The following ARID1B variants were observed in gnomAD, a reference collection of about 807,000 sequenced individuals.
ARID1B encodes AT-rich interactive domain-containing protein 1B.
ARID1B carries 30 observed loss-of-function variants against 212.3 expected under a neutral mutation model. That is an observed-to-expected ratio of 0.14 (90% confidence interval 0.11 to 0.19). ARID1B has a LOEUF of 0.19. Ranked by LOEUF, ARID1B falls within the 10% of genes least tolerant of loss-of-function variation. The pLI, the probability that ARID1B is intolerant of heterozygous loss-of-function variation, is 1.00. For synonymous variants in ARID1B, 1,402 were observed against 1,301.7 expected (o/e 1.08, Z -1.66); for missense variants, 2,891 against 3,204.0 (o/e 0.90, Z 2.36).
At chr6:157,013,621 T>A (rs1057225289) in intron 4 of ARID1B, among the ~76,000 whole-genome samples, 1 of 152,216 alleles carries the variant, frequency 6.6e-6, no homozygotes, top group Admixed American at 6.5e-5. Context: ...AAAATAACCC[T>A]GGTATCCAAC....
At chr6:156,785,893 G>T (rs1228747904) in intron 1 of ARID1B, among the ~76,000 whole-genome samples, 1 of 151,898 alleles carries the variant, frequency 6.6e-6, no homozygotes, top group East Asian at 1.9e-4. Flanking sequence ...TCTAACTTTG[G>T]GGTAATCCTC....
At position 156,778,869 on chromosome 6, in the gene ARID1B, G is replaced by GGCGGAGGAGGAGGAGGCA. The variant is rs755976776; in HGVS notation, c.1206_1223dup (p.Ser403_Gly408dup). 27 of 1,392,650 alleles carry GGCGGAGGAGGAGGAGGCA rather than the reference G, an allele frequency of 1.9e-5. No individual in the cohort carries two copies. Among genetic ancestry groups the GGCGGAGGAGGAGGAGGCA allele is most frequent in the South Asian group, 1.6e-4 (10 of 63,092 alleles). The allele number at this position is 1,392,650 out of a possible 1,614,324, so 86.3% of individuals were successfully genotyped here. A position where few individuals can be genotyped will look rare whatever the true frequency, so the allele number is the denominator to read the frequency against. ...CGCGGGCGGCGGCGGCGGCGGCGGC[G>GGCGGAGGAGGAGGAGGCA]GCGGAGGAGGAGGAGGCAGCGGAGG... On this transcript the variant is annotated inframe_insertion, in exon 1 of 20. Coordinates refer to ENST00000636930, the MANE Select transcript of ARID1B (RefSeq NM_001374828.1).
chr6:157,124,742 G>A (rs1339298754), intron 6 of ARID1B, among the ~76,000 whole-genome samples: 2 of 151,962 alleles, frequency 1.3e-5, no homozygotes, highest in Non-Finnish European at 2.9e-5. Flanking sequence ...TATGCACATT[G>A]GATCATGACA....
At chr6:157,193,348 A>T (rs559079188) in intron 15 of ARID1B, 1 of 152,354 alleles carries the variant, frequency 6.6e-6, no homozygotes, top group East Asian at 1.9e-4. Flanking sequence ...GAATTGTTGA[A>T]TCAAAGGATA....
chr6:157,191,602 A>G (rs1342869843), intron 15 of ARID1B, among the ~76,000 whole-genome samples: 5 of 152,092 alleles, frequency 3.3e-5, no homozygotes, highest in Non-Finnish European at 2.9e-5. Flanking sequence ...CCGACTCCCA[A>G]GGTTGAGGTG....
At chr6:156,877,546 A>G (rs1446392681) in intron 2 of ARID1B, among the ~76,000 whole-genome samples, 1 of 152,004 alleles carries the variant, frequency 6.6e-6, no homozygotes, top group Non-Finnish European at 1.5e-5. Context: ...ACCTGTAGCT[A>G]TTGAATGTGT....
intron 4 of ARID1B, among the ~76,000 whole-genome samples, chr6:157,007,897 C>A (rs1359470892): frequency 6.6e-6 from 1 of 151,936 alleles, no homozygotes. Flanking sequence ...AGGATGGTCT[C>A]GATCTCCTGA....
intron 2 of ARID1B, among the ~76,000 whole-genome samples, chr6:156,863,307 C>G (rs1785461968): frequency 6.6e-6 from 1 of 152,048 alleles, no homozygotes; most frequent in Non-Finnish European, 1.5e-5. Context: ...ATTTAGAGGA[C>G]TAACGAGGCA....
intron 3 of ARID1B, among the ~76,000 whole-genome samples, chr6:156,917,138 T>G (rs1248161803): frequency 6.6e-6 from 1 of 152,194 alleles, no homozygotes; most frequent in Non-Finnish European, 1.5e-5. Context: ...GTCACCATTT[T>G]TTTTTTAGAG....
chr6:156,900,919 T>A (rs1037565934), intron 2 of ARID1B, among the ~76,000 whole-genome samples: 1 of 152,238 alleles, frequency 6.6e-6, no homozygotes, highest in African/African-American at 2.4e-5. Flanking sequence ...TATTCTGACT[T>A]TTTCATTCTG....
At chr6:157,145,615 T>C (rs370534520) in intron 7 of ARID1B, among the ~76,000 whole-genome samples, 2 of 152,184 alleles carry the variant, frequency 1.3e-5, no homozygotes, top group African/African-American at 4.8e-5. Flanking sequence ...ACTTTATATG[T>C]GTGAATTTAA....
At chr6:157,013,063 G>A (rs1308945457) in intron 4 of ARID1B, among the ~76,000 whole-genome samples, 1 of 152,160 alleles carries the variant, frequency 6.6e-6, no homozygotes. Flanking sequence ...ATTTTTAGTA[G>A]GGACGGGGTT....
In ARID1B at chr6:156,778,865, CGGCGGCGGA is replaced by C. The variant is rs1200163659; in HGVS notation, c.1188_1196del (p.Gly400_Gly402del). On this transcript the variant is annotated inframe_deletion, in exon 1 of 20. Coordinates refer to ENST00000636930, the MANE Select transcript of ARID1B (RefSeq NM_001374828.1). ...CCGGCGCGGGCGGCGGCGGCGGCGG[CGGCGGCGGA>C]GGAGGAGGAGGCAGCGGAGGAGGAG... 1 of 1,399,240 alleles carries C rather than the reference CGGCGGCGGA, an allele frequency of 7.1e-7. No individual in the cohort carries two copies. Among genetic ancestry groups the C allele is most frequent in the Non-Finnish European group, 9.3e-7 (1 of 1,073,394 alleles). The allele number at this position is 1,399,240 out of a possible 1,614,324, so 86.7% of individuals were successfully genotyped here.
At chr6:157,141,974 T>G (rs1789387573) in intron 7 of ARID1B, among the ~76,000 whole-genome samples, 1 of 152,194 alleles carries the variant, frequency 6.6e-6, no homozygotes, top group South Asian at 2.1e-4. Flanking sequence ...ATACAAATTT[T>G]TAGCAGCTCT....
chr6:157,196,026 A>C lies in ARID1B; in HGVS notation c.4232-139A>C, dbSNP rs1793693681. 5.6e-5 allele frequency: 61 copies of C among 1,092,526 alleles called. No homozygotes were observed. The South Asian group carries it at 9.3e-4, about 17-fold the overall frequency. The allele number at this position is 1,092,526 out of a possible 1,614,324, so 67.7% of individuals were successfully genotyped here. On this transcript the variant is annotated intron_variant, in intron 15 of 19. Transcript: ENST00000636930. ...CAGTGAGCCAAGATCACACCACTGC[A>C]TTAGCCTGGGCGACAGAGTGAGACT...
chr6:156,893,953 C>T (rs987370993), intron 2 of ARID1B, among the ~76,000 whole-genome samples: 3 of 152,080 alleles, frequency 2.0e-5, no homozygotes, highest in African/African-American at 7.2e-5. Context: ...TACCCCAAGA[C>T]GTAAAAGCAA....
chr6:157,097,726 A>G (rs1785749045), intron 5 of ARID1B, among the ~76,000 whole-genome samples: 1 of 152,218 alleles, frequency 6.6e-6, no homozygotes, highest in South Asian at 2.1e-4. Context: ...ATCAAGTGGA[A>G]GAAAGGGAGC....
rs1299353702 is a variant in ARID1B, at chr6:156,897,261, C to CTTATTA, written c.1987-4113_1987-4112insATTATT. Among the ~76,000 whole-genome samples the CTTATTA allele has an allele frequency of 7.6e-3, 700 of 92,504 alleles. 6 individuals carry two copies. Among genetic ancestry groups the CTTATTA allele is most frequent in the African/African-American group, 0.015 (433 of 27,962 alleles). The allele number at this position is 92,504 out of a possible 152,430, so 60.7% of individuals were successfully genotyped here. On this transcript the variant is annotated intron_variant, in intron 2 of 19. Coordinates refer to ENST00000636930, the MANE Select transcript of ARID1B (RefSeq NM_001374828.1). ...TCTTCTTCTTCTTCTTCTTCTTCTT[C>CTTATTA]TTCTTATTATTATTATTATTATTAT...
rs1794688065 is a variant in ARID1B, at chr6:157,210,082, G to A, written c.*2191G>A. On this transcript the variant is annotated 3_prime_UTR_variant, in exon 20 of 20. Transcript: ENST00000636930. ...AGTCATTGTGAGACGTGACTCTCCA[G>A]TGTCACGAGGAAAAAAATCATCTTT... 8.6e-6 allele frequency: 2 copies of A among 233,002 alleles called. No homozygotes were observed. Among genetic ancestry groups the A allele is most frequent in the Middle Eastern group, 1.3e-3 (1 of 784 alleles). The allele number at this position is 233,002 out of a possible 1,614,324, so 14.4% of individuals were successfully genotyped here.
Sources: gnomAD v4.1 joint callset for allele counts (sites outside exome capture counted in the v4.1 genomes callset) on GRCh38, gnomAD v4.1.1 for gene constraint, MANE v1.5 for transcripts, NCBI Gene and HGNC (gene_info 2026-07-23, HGNC 2026-07-21) for gene names.